WDPCP: variants seen among roughly 807,000 people sequenced by gnomAD.
The protein encoded by WDPCP is WD repeat containing planar cell polarity effector.
In WDPCP, 71 loss-of-function variants were observed where a neutral mutation model predicts 93.1. That is an observed-to-expected ratio of 0.76 (90% confidence interval 0.63 to 0.93). WDPCP has a LOEUF of 0.93. WDPCP is among the 40% of genes least tolerant of loss of function. The pLI is 0.00. For synonymous variants in WDPCP, 315 were observed against 315.0 expected (o/e 1.00, Z 0.00); for missense variants, 844 against 887.4 (o/e 0.95, Z 0.62).
At chr2:63,576,557 C>A (rs1708130178) in intron 1 of WDPCP, among the ~76,000 whole-genome samples, 1 of 152,214 alleles carries the variant, frequency 6.6e-6, no homozygotes, top group Admixed American at 6.5e-5. Flanking sequence ...GCTCTCTGAA[C>A]CCTGTCCTTT....
chr2:63,535,159 G>A lies in WDPCP; in HGVS notation c.76-42219C>T, dbSNP rs550583999. 8.4e-3 allele frequency among the ~76,000 whole-genome samples: 1,282 copies of A among 152,234 alleles called. 4 individuals carry two copies. Among genetic ancestry groups the A allele is most frequent in the Non-Finnish European group, 0.013 (900 of 68,014 alleles). ...CCTAGGAATCCAACTTACAAGGGAT[G>A]TGAAGGACCTCTTCAAGGAGAACTA... On this transcript the variant is annotated intron_variant, in intron 1 of 17. Transcript: ENST00000272321.
chr2:63,513,844 CA>C (rs1371954869), intron 1 of WDPCP, among the ~76,000 whole-genome samples: 1 of 152,158 alleles, frequency 6.6e-6, no homozygotes, highest in Non-Finnish European at 1.5e-5. Context: ...TGAAAATAGA[CA>C]GTTTTCCCTG....
chr2:63,408,578 C>G (rs546274821), intron 9 of WDPCP, among the ~76,000 whole-genome samples: 14 of 152,240 alleles, frequency 9.2e-5, no homozygotes, highest in African/African-American at 3.4e-4. Flanking sequence ...GACAAGACAT[C>G]CGGGATGCAC....
intron 2 of WDPCP, among the ~76,000 whole-genome samples, chr2:63,734,170 A>T (rs906348089): frequency 2.0e-5 from 3 of 152,150 alleles, no homozygotes; most frequent in Admixed American, 6.5e-5. Flanking sequence ...CAGTTTTTTT[A>T]AATTTCCTTT....
intron 2 of WDPCP, among the ~76,000 whole-genome samples, chr2:63,716,423 A>G (rs1043715228): frequency 2.6e-5 from 4 of 152,054 alleles, no homozygotes; most frequent in Non-Finnish European, 5.9e-5. Context: ...TCACAAATCT[A>G]TTTGATCATC....
chr2:63,464,254 T>C (rs1699203805), intron 6 of WDPCP, among the ~76,000 whole-genome samples: 1 of 152,108 alleles, frequency 6.6e-6, no homozygotes, highest in African/African-American at 2.4e-5. Flanking sequence ...CCAACAAGCA[T>C]ATGAAAAGAT....
At chr2:63,550,775 A>G (rs1221770606) in intron 1 of WDPCP, among the ~76,000 whole-genome samples, 2 of 97,798 alleles carry the variant, frequency 2.0e-5, no homozygotes, top group African/African-American at 9.5e-5. Context: ...ATATATGTGC[A>G]TATGTACATA....
At position 63,404,519 on chromosome 2, in the gene WDPCP, T is replaced by G; in HGVS notation, c.964A>C (p.Ile322Leu). The stretch of plus-strand genomic sequence containing the variant: ...GACACACACTGGATTTTATTCCGAA[T>G]GCATTCATAGATGCAGCTGTCAGCC... Reference protein sequence around the residue: ...PMADSCIYECIRNKIQCVSVT... With the variant: ...PMADSCIYECLRNKIQCVSVT... Residue 322 changes from isoleucine to leucine, a missense_variant, in exon 10 of 18, where the codon ATT becomes CTT. Transcript: ENST00000272321. The G allele has an allele frequency of 6.2e-7, 1 of 1,613,862 alleles. No homozygotes were observed. Among genetic ancestry groups the G allele is most frequent in the South Asian group, 1.1e-5 (1 of 91,058 alleles).
chr2:63,595,292 A>G (rs114683159), intron 3 of WDPCP: 8,624 of 708,292 alleles, frequency 0.012, 97 homozygotes, highest in Non-Finnish European at 0.013. Context: ...CTGACCTCCT[A>G]AAATAATCAT....
intron 6 of WDPCP, among the ~76,000 whole-genome samples, chr2:63,453,346 C>T (rs952055127): frequency 1.3e-5 from 2 of 152,176 alleles, no homozygotes; most frequent in African/African-American, 4.8e-5. Context: ...TGAAAAAATG[C>T]TCATCATCAC....
intron 2 of WDPCP, among the ~76,000 whole-genome samples, chr2:63,658,883 C>T (rs543057912): frequency 1.3e-5 from 2 of 152,320 alleles, no homozygotes; most frequent in Non-Finnish European, 2.9e-5. Context: ...ACTAACTTGA[C>T]CTTGAATCCT....
intron 2 of WDPCP, among the ~76,000 whole-genome samples, chr2:63,706,025 T>G (rs1248193238): frequency 3.3e-5 from 5 of 152,202 alleles, no homozygotes; most frequent in African/African-American, 4.8e-5. Context: ...TTCTTCTTGT[T>G]GAATTGATCC....
At chr2:63,259,059 A>G (rs1398847217) in intron 14 of WDPCP, among the ~76,000 whole-genome samples, 1 of 152,206 alleles carries the variant, frequency 6.6e-6, no homozygotes, top group Non-Finnish European at 1.5e-5. Context: ...TATGAAAAGA[A>G]TATCCTTTTG....
intron 15 of WDPCP, among the ~76,000 whole-genome samples, chr2:63,158,760 C>T (rs1672437420): frequency 6.6e-6 from 1 of 151,948 alleles, no homozygotes. Flanking sequence ...TCATTGGATA[C>T]TTTCAATTGA....
intron 2 of WDPCP, among the ~76,000 whole-genome samples, chr2:63,749,267 G>C (rs1295326598): frequency 2.0e-5 from 3 of 151,996 alleles, no homozygotes; most frequent in African/African-American, 7.2e-5. Context: ...GATAACCAAG[G>C]CTCAAATTTA....
At chr2:63,217,783 A>G (rs1164360586) in intron 14 of WDPCP, among the ~76,000 whole-genome samples, 1 of 152,130 alleles carries the variant, frequency 6.6e-6, no homozygotes, top group East Asian at 1.9e-4. Flanking sequence ...GTTACTTCAA[A>G]ACTAGTTTGG....
At position 63,527,098 on chromosome 2, in the gene WDPCP, T is replaced by C. The variant is rs556883613; in HGVS notation, c.76-34158A>G. On this transcript the variant is annotated intron_variant, in intron 1 of 17. Coordinates refer to ENST00000272321, the MANE Select transcript of WDPCP (RefSeq NM_015910.7). ...TATGTTTTGAGGTGCTGGACAATAA[T>C]TCTCTAGAAGTCTCTCACATTCCTG... Among the ~76,000 whole-genome samples the C allele has an allele frequency of 3.3e-5, 5 of 152,318 alleles. No individual in the cohort carries two copies. The South Asian group carries it at 1.0e-3, about 32-fold the overall frequency.
intron 1 of WDPCP, among the ~76,000 whole-genome samples, chr2:63,578,729 ATTAAG>A (rs1708282892): frequency 6.6e-6 from 1 of 152,238 alleles, no homozygotes; most frequent in Non-Finnish European, 1.5e-5. Context: ...GATTTTAAAA[ATTAAG>A]TTAGGTTATT....
chr2:63,172,824 C>T (rs1464450631), intron 15 of WDPCP, among the ~76,000 whole-genome samples: 1 of 152,032 alleles, frequency 6.6e-6, no homozygotes, highest in Non-Finnish European at 1.5e-5. Context: ...TCTGAAGAGG[C>T]AGTTTTCAAA....
Sources: allele counts gnomAD v4.1 joint callset (sites outside exome capture counted in the v4.1 genomes callset), GRCh38; gene constraint gnomAD v4.1.1; transcripts MANE v1.5; gene names NCBI Gene and HGNC (gene_info 2026-07-23, HGNC 2026-07-21).